The following CADPS variants were observed in gnomAD, a reference collection of about 807,000 sequenced individuals.
The protein encoded by CADPS is calcium dependent secretion activator.
A neutral mutation model predicts 167.3 loss-of-function variants in CADPS; 57 were observed. The ratio of observed to expected loss-of-function variants is 0.34; its 90% CI spans 0.28 to 0.42. CADPS has a LOEUF of 0.42. CADPS is among the 20% of genes least tolerant of loss of function. The pLI, the probability that CADPS is intolerant of heterozygous loss-of-function variation, is 1.00. For synonymous variants in CADPS, 676 were observed against 635.3 expected, an observed-to-expected ratio of 1.06 and a Z score of -0.96; for missense variants, 1,414 against 1,738.1, an observed-to-expected ratio of 0.81 and a Z score of 3.32.
At chr3:62,835,553 A>C (rs2075773682) in intron 1 of CADPS, among the ~76,000 whole-genome samples, 1 of 152,176 alleles carries the variant, frequency 6.6e-6, no homozygotes, top group Non-Finnish European at 1.5e-5. Context: ...AGTTCCCTTT[A>C]TCATCATGTG....
intron 8 of CADPS, among the ~76,000 whole-genome samples, chr3:62,571,368 C>T (rs1440676877): frequency 6.6e-6 from 1 of 152,142 alleles, no homozygotes; most frequent in African/African-American, 2.4e-5. Flanking sequence ...AGGTGTATTA[C>T]AGGGAGGAAT....
intron 6 of CADPS, among the ~76,000 whole-genome samples, chr3:62,599,882 T>C (rs1386746089): frequency 2.4e-5 from 2 of 81,696 alleles, no homozygotes; most frequent in Non-Finnish European, 4.3e-5. Flanking sequence ...ATATATAATA[T>C]ATATATATTA....
Position 62,772,560 on chromosome 3 carries a change from G to C in CADPS, c.442-6576C>G, listed in dbSNP as rs78899537. ...CAGAAATGTGGTCCTTACATTTTTTGGGTGGCTGAACAAATGTTTGTAAAC... is the reference window on the plus strand; with the variant it reads ...CAGAAATGTGGTCCTTACATTTTTTCGGTGGCTGAACAAATGTTTGTAAAC... On this transcript the variant is annotated intron_variant, in intron 1 of 29. Coordinates refer to ENST00000383710, the MANE Select transcript of CADPS (RefSeq NM_003716.4). 3.6e-3 allele frequency among the ~76,000 whole-genome samples: 547 copies of C among 152,192 alleles called. 3 individuals carry two copies. The highest frequency in any genetic ancestry group is 0.012 in the African/African-American group (504 of 41,520).
intron 27 of CADPS, chr3:62,439,606 C>T (rs1436024124): frequency 1.3e-5 from 2 of 152,162 alleles, no homozygotes; most frequent in African/African-American, 4.8e-5. Context: ...TCTAAGCAGG[C>T]ACCTCTCTCC....
At chr3:62,496,058 TTTTTC>T (rs1175682255) in intron 18 of CADPS, among the ~76,000 whole-genome samples, 4 of 150,938 alleles carry the variant, frequency 2.7e-5, no homozygotes, top group African/African-American at 4.9e-5. Flanking sequence ...TAGTCTTTTG[TTTTTC>T]TTTTCTTTTC....
chr3:62,617,429 T>C (rs1254837184), intron 6 of CADPS, among the ~76,000 whole-genome samples: 1 of 152,194 alleles, frequency 6.6e-6, no homozygotes, highest in African/African-American at 2.4e-5. Flanking sequence ...CTGAAGTATT[T>C]TCCTTTTGCT....
chr3:62,538,326 A>T (rs1427412420), intron 11 of CADPS, among the ~76,000 whole-genome samples: 1 of 152,108 alleles, frequency 6.6e-6, no homozygotes, highest in Non-Finnish European at 1.5e-5. Context: ...CTCTGGCCCA[A>T]GGCAAGTGTC....
intron 1 of CADPS, among the ~76,000 whole-genome samples, chr3:62,807,722 A>C (rs1431039704): frequency 1.3e-5 from 2 of 152,086 alleles, no homozygotes; most frequent in Non-Finnish European, 2.9e-5. Flanking sequence ...AATGATTTCA[A>C]ATATATATTG....
intron 2 of CADPS, among the ~76,000 whole-genome samples, chr3:62,762,596 C>G (rs2085754410): frequency 7.1e-6 from 1 of 140,750 alleles, no homozygotes; most frequent in Admixed American, 7.9e-5. Context: ...GTTGAGGCTG[C>G]AGTGAGCTGT....
intron 19 of CADPS, 43 bp from the exon 20 acceptor site, chr3:62,492,489 G>C (rs1409653313): frequency 6.4e-7 from 1 of 1,573,568 alleles, no homozygotes; most frequent in South Asian, 1.1e-5. Context: ...GAAGTGATGA[G>C]CTTCTTTCTC....
intron 3 of CADPS, among the ~76,000 whole-genome samples, chr3:62,682,286 T>C (rs928347588): frequency 1.3e-5 from 2 of 151,144 alleles, no homozygotes; most frequent in Admixed American, 1.3e-4. Flanking sequence ...TATTCTACTT[T>C]AGCACAGGGA....
chr3:62,496,254 C>G (rs891991593), intron 18 of CADPS, among the ~76,000 whole-genome samples: 4 of 152,074 alleles, frequency 2.6e-5, no homozygotes, highest in African/African-American at 9.7e-5. Flanking sequence ...ACACTGGAAT[C>G]ACCTGGGCAG....
chr3:62,745,327 G>A (rs1006454396), intron 3 of CADPS, among the ~76,000 whole-genome samples: 8 of 151,980 alleles, frequency 5.3e-5, no homozygotes, highest in African/African-American at 1.9e-4. Flanking sequence ...CACTCCTCAG[G>A]CTCCCAAAGT....
At chr3:62,822,647 GC>G (rs2152940397) in intron 1 of CADPS, among the ~76,000 whole-genome samples, 1 of 152,226 alleles carries the variant, frequency 6.6e-6, no homozygotes, top group East Asian at 1.9e-4. Context: ...TTCGAGACCA[GC>G]CTGGCCTACA....
In CADPS at chr3:62,403,162, G is replaced by A. The variant is rs990037619; in HGVS notation, c.3801C>T (p.Asn1267=). Residue 1267 remains asparagine (N), a synonymous_variant, in exon 29 of 30, where the codon AAC becomes AAT. Transcript: ENST00000383710. The part of the protein sequence containing the change: ...LFDQWYNSSM[N]VICTWLTDRM... ...GGTCCGTCAACCAGGTGCAGATCAC[G>A]TTCATGGAGCTGTTGTACCATTGCT... 1.7e-5 allele frequency: 27 copies of A among 1,613,150 alleles called. No individual in the cohort carries two copies. Among genetic ancestry groups the A allele is most frequent in the Admixed American group, 6.7e-5 (4 of 59,962 alleles).
chr3:62,599,652 A>ATG (rs1176708446), intron 6 of CADPS, among the ~76,000 whole-genome samples: 4 of 57,038 alleles, frequency 7.0e-5, no homozygotes, highest in Non-Finnish European at 1.2e-4. Flanking sequence ...TATATAATAT[A>ATG]TAATATAATA....
At chr3:62,826,715 G>A (rs2074111349) in intron 1 of CADPS, among the ~76,000 whole-genome samples, 1 of 151,986 alleles carries the variant, frequency 6.6e-6, no homozygotes, top group African/African-American at 2.4e-5. Context: ...GGAACATAAC[G>A]CTCTTACAGT....
At chr3:62,745,261 C>A (rs540641721) in intron 3 of CADPS, among the ~76,000 whole-genome samples, 1 of 152,016 alleles carries the variant, frequency 6.6e-6, no homozygotes, top group African/African-American at 2.4e-5. Flanking sequence ...TTTGTAGAGA[C>A]GGCATTTCAC....
At chr3:62,517,357 T>C (rs2069259277) in intron 14 of CADPS, among the ~76,000 whole-genome samples, 1 of 152,136 alleles carries the variant, frequency 6.6e-6, no homozygotes. Context: ...TTCTTCCACT[T>C]GCCAGCTGGA....
Sources: allele counts gnomAD v4.1 joint callset (sites outside exome capture counted in the v4.1 genomes callset), GRCh38; gene constraint gnomAD v4.1.1; transcripts MANE v1.5; gene names NCBI Gene and HGNC (gene_info 2026-07-23, HGNC 2026-07-21).